Variants in ELP4 observed in about 807,000 individuals in gnomAD.
ELP4 encodes the protein elongator complex protein 4.
In ELP4, 51 loss-of-function variants were observed where a neutral mutation model predicts 48.9. The observed-to-expected ratio is 1.04, with a 90% confidence interval of 0.83 to 1.32. The LOEUF (loss-of-function observed/expected upper bound fraction) is 1.32, where lower values mean the gene tolerates loss of function less well. ELP4 is among the 40% of genes most tolerant of loss of function. The pLI is 0.00. For missense variants in ELP4, 519 were observed against 514.6 expected (o/e 1.01, Z -0.08); for synonymous variants, 210 against 189.2 (o/e 1.11, Z -0.90).
intron 9 of ELP4, among the ~76,000 whole-genome samples, chr11:31,693,809 C>A (rs1946335936): frequency 6.6e-6 from 1 of 152,224 alleles, no homozygotes; most frequent in Non-Finnish European, 1.5e-5. Context: ...TTCTCCACAT[C>A]TTCTCCAGCA....
chr11:31,632,186 A>T, intron 6 of ELP4, 31 bp from the exon 7 acceptor site: 1 of 1,567,994 alleles, frequency 6.4e-7, no homozygotes, highest in Non-Finnish European at 8.7e-7. Context: ...ACAAAACTTT[A>T]TATGTTTGCT....
At chr11:31,772,283 A>C (rs1295895195) in intron 9 of ELP4, among the ~76,000 whole-genome samples, 2 of 151,966 alleles carry the variant, frequency 1.3e-5, no homozygotes, top group Non-Finnish European at 2.9e-5. Flanking sequence ...ATGCACCATG[A>C]TGCCCGGCTA....
intron 6 of ELP4, among the ~76,000 whole-genome samples, chr11:31,629,537 A>T (rs1944814895): frequency 6.6e-6 from 1 of 152,030 alleles, no homozygotes; most frequent in Non-Finnish European, 1.5e-5. Context: ...TTCACTTGAT[A>T]TACATATATC....
chr11:31,701,471 A>G (rs531195002), intron 9 of ELP4, among the ~76,000 whole-genome samples: 62 of 151,944 alleles, frequency 4.1e-4, no homozygotes, highest in African/African-American at 1.3e-3. Context: ...GAATCATGCT[A>G]TTGCCTTAAT....
intron 9 of ELP4, among the ~76,000 whole-genome samples, chr11:31,737,314 G>C (rs1051713791): frequency 3.9e-5 from 6 of 151,916 alleles, no homozygotes; most frequent in Admixed American, 2.0e-4. Flanking sequence ...ACTGGGGCCT[G>C]TTGTGGGGTA....
At chr11:31,548,824 A>T (rs1280232049) in intron 3 of ELP4, among the ~76,000 whole-genome samples, 1 of 152,140 alleles carries the variant, frequency 6.6e-6, no homozygotes, top group Non-Finnish European at 1.5e-5. Flanking sequence ...CCCTCAGAAA[A>T]AATGCTGCAT....
At chr11:31,579,230 A>T (rs199611500) in intron 3 of ELP4, among the ~76,000 whole-genome samples, 6 of 152,242 alleles carry the variant, frequency 3.9e-5, no homozygotes, top group Admixed American at 6.5e-5. Context: ...CAAAACCACA[A>T]TGAGATACCA....
intron 9 of ELP4, among the ~76,000 whole-genome samples, chr11:31,668,532 C>T (rs929282174): frequency 2.0e-5 from 3 of 151,232 alleles, no homozygotes; most frequent in Admixed American, 1.3e-4. Flanking sequence ...GGCTATGTTG[C>T]CCAGGCTTGA....
intron 3 of ELP4, among the ~76,000 whole-genome samples, chr11:31,594,166 T>C (rs1299717513): frequency 1.3e-5 from 2 of 152,180 alleles, no homozygotes; most frequent in Non-Finnish European, 2.9e-5. Context: ...TATTTTATGG[T>C]TATGAAGTTG....
At chr11:31,649,170 C>G (rs1319973465) in intron 8 of ELP4, 1 of 151,582 alleles carries the variant, frequency 6.6e-6, no homozygotes, top group African/African-American at 2.4e-5. Context: ...TAAGCTAAGA[C>G]TAATAGATGC....
At chr11:31,723,160 A>T (rs1188634659) in intron 9 of ELP4, among the ~76,000 whole-genome samples, 1 of 152,034 alleles carries the variant, frequency 6.6e-6, no homozygotes, top group South Asian at 2.1e-4. Flanking sequence ...TCCTTTTTAC[A>T]CCCTCATCTA....
At chr11:31,559,091 G>A (rs1382857421) in intron 3 of ELP4, among the ~76,000 whole-genome samples, 2 of 152,022 alleles carry the variant, frequency 1.3e-5, no homozygotes, top group Non-Finnish European at 1.5e-5. Flanking sequence ...AGGATGCCAC[G>A]AAAGGAAAAA....
intron 3 of ELP4, among the ~76,000 whole-genome samples, chr11:31,557,324 T>A (rs1956946491): frequency 6.6e-6 from 1 of 151,996 alleles, no homozygotes; most frequent in South Asian, 2.1e-4. Flanking sequence ...TTTGCTTTAT[T>A]TGATTCTTTA....
At chr11:31,700,741 C>T (rs1946504317) in intron 9 of ELP4, among the ~76,000 whole-genome samples, 1 of 151,932 alleles carries the variant, frequency 6.6e-6, no homozygotes, top group Non-Finnish European at 1.5e-5. Flanking sequence ...CAAAAATTTC[C>T]CTTAGAGCTG....
At chr11:31,659,004 A>G (rs547628190) in intron 9 of ELP4, among the ~76,000 whole-genome samples, 2 of 152,184 alleles carry the variant, frequency 1.3e-5, no homozygotes, top group Admixed American at 1.3e-4. Flanking sequence ...TCTTTTATTG[A>G]TGAATATTAT....
rs373929063 is a variant in ELP4, at chr11:31,533,028, G to T, written c.260-6634G>T. Among the ~76,000 whole-genome samples, 33 of 152,014 alleles carry T rather than the reference G, an allele frequency of 2.2e-4. No individual in the cohort carries two copies. The East Asian group carries it at 5.2e-3, about 24-fold the overall frequency. On this transcript the variant is annotated intron_variant, in intron 2 of 9. Coordinates refer to ENST00000640961, the MANE Select transcript of ELP4 (RefSeq NM_019040.5). ...TGATCTCAGGTGATCCACCCGCCTT[G>T]GCCTCCCAAAGTGCTGGGATTACAG...
rs577207720 is a variant in ELP4, at chr11:31,660,288, G to A, written c.1143+10067G>A. 2.0e-5 allele frequency among the ~76,000 whole-genome samples: 3 copies of A among 152,168 alleles called. No homozygotes were observed. In the South Asian group the frequency reaches 6.2e-4, roughly 32 times the overall value. ...TCCCAGCTTGTACTGTAGCTATGGT[G>A]TAGCATTGAAAAAGATGGTAACAAA... On this transcript the variant is annotated intron_variant, in intron 9 of 9. Coordinates refer to ENST00000640961, the MANE Select transcript of ELP4 (RefSeq NM_019040.5).
intron 5 of ELP4, among the ~76,000 whole-genome samples, chr11:31,606,623 ATAATAT>A (rs1288884474): frequency 6.6e-6 from 1 of 152,186 alleles, no homozygotes; most frequent in African/African-American, 2.4e-5. Context: ...ATGTTTTATA[ATAATAT>A]TATCAAGATA....
Position 31,605,396 on chromosome 11 carries a change from A to G in ELP4, c.653+1489A>G, listed in dbSNP as rs555457021. Among the ~76,000 whole-genome samples the G allele has an allele frequency of 2.6e-5, 4 of 152,148 alleles. No individual in the cohort carries two copies. The South Asian group carries it at 8.3e-4, about 32-fold the overall frequency. The stretch of plus-strand genomic sequence containing the variant: ...CAGTTTTTGCCACAGATAGAGTCAA[A>G]CATGCATTTACATAGAAGCTTGCGA... On this transcript the variant is annotated intron_variant, in intron 5 of 9. Coordinates refer to ENST00000640961, the MANE Select transcript of ELP4 (RefSeq NM_019040.5).
Sources: allele counts gnomAD v4.1 joint callset (sites outside exome capture counted in the v4.1 genomes callset), GRCh38; gene constraint gnomAD v4.1.1; transcripts MANE v1.5; gene names NCBI Gene and HGNC (gene_info 2026-07-23, HGNC 2026-07-21).